The following KLHL14 variants were observed in gnomAD, a reference collection of about 807,000 sequenced individuals.
KLHL14 encodes kelch-like protein 14.
In KLHL14, 22 loss-of-function variants were observed where a neutral mutation model predicts 64.3. The ratio of observed to expected loss-of-function variants is 0.34; its 90% CI spans 0.24 to 0.49. KLHL14 has a LOEUF of 0.49. KLHL14 is among the 20% of genes least tolerant of loss of function. KLHL14 has a pLI of 0.99. For missense variants in KLHL14, 661 were observed against 789.0 expected (o/e 0.84, Z 1.94); for synonymous variants, 322 against 333.4 (o/e 0.97, Z 0.37).
chr18:32,709,004 T>A (rs935137025), intron 3 of KLHL14, among the ~76,000 whole-genome samples: 8 of 152,202 alleles, frequency 5.3e-5, no homozygotes, highest in Non-Finnish European at 5.9e-5. Flanking sequence ...TTGTCCCCTT[T>A]TGGCTTATTT....
intron 3 of KLHL14, among the ~76,000 whole-genome samples, chr18:32,724,446 A>T (rs2050096096): frequency 6.6e-6 from 1 of 152,172 alleles, no homozygotes; most frequent in Non-Finnish European, 1.5e-5. Flanking sequence ...CTTTACTCTT[A>T]TCTTTAAAAT....
chr18:32,724,595 C>T (rs2050097501), intron 3 of KLHL14, among the ~76,000 whole-genome samples: 2 of 152,148 alleles, frequency 1.3e-5, no homozygotes, highest in South Asian at 2.1e-4. Flanking sequence ...GATAGTAATG[C>T]TATTGACCTC....
intron 2 of KLHL14, among the ~76,000 whole-genome samples, chr18:32,747,516 G>A (rs1007082639): frequency 2.0e-5 from 3 of 152,100 alleles, no homozygotes; most frequent in African/African-American, 4.8e-5. Flanking sequence ...TGCAATTCAC[G>A]TAGGGTTTGC....
chr18:32,761,464 T>C (rs980372421), intron 2 of KLHL14, among the ~76,000 whole-genome samples: 2 of 148,448 alleles, frequency 1.3e-5, no homozygotes, highest in Non-Finnish European at 3.0e-5. Flanking sequence ...TTGCAGGTGG[T>C]CTTCTCTCAG....
At position 32,683,301 on chromosome 18, in the gene KLHL14, A is replaced by G. The variant is rs2049852412; in HGVS notation, c.1239-2702T>C. On this transcript the variant is annotated intron_variant, in intron 5 of 8. Transcript: ENST00000359358. The surrounding 1 kb of genome is among the most constrained non-coding windows in gnomAD (Gnocchi z 4.2). Reference sequence around the variant, plus strand: ...AAAAATCAGCAGATTTCACTTCCTGATGACAAGTGCATTTTTAGGTAGAAA... The same window carrying G: ...AAAAATCAGCAGATTTCACTTCCTGGTGACAAGTGCATTTTTAGGTAGAAA... Among the ~76,000 whole-genome samples, 1 of 152,122 alleles carries G rather than the reference A, an allele frequency of 6.6e-6. No individual in the cohort carries two copies. Among genetic ancestry groups the G allele is most frequent in the Non-Finnish European group, 1.5e-5 (1 of 68,024 alleles).
In KLHL14 at chr18:32,687,208, G is replaced by A; in HGVS notation, c.1185C>T (p.Ser395=). Residue 395 remains serine, a synonymous_variant, in exon 5 of 9, where the codon AGC becomes AGT. Transcript: ENST00000359358. ...AGCTATTAAATCGAGGATCATATCG[G>A]CTGACAAAATTTGTACTGTGTTTTC... ...PNGKHSTNFV[S]RYDPRFNSWI... 6.2e-7 allele frequency: 1 copy of A among 1,613,766 alleles called. No individual in the cohort carries two copies. Among genetic ancestry groups the A allele is most frequent in the East Asian group, 2.2e-5 (1 of 44,866 alleles).
chr18:32,738,089 G>A (rs970708763), intron 3 of KLHL14: 1 of 151,988 alleles, frequency 6.6e-6, no homozygotes, highest in Non-Finnish European at 1.5e-5. Flanking sequence ...GCCAGCTCCT[G>A]GAAAATACCT....
In KLHL14 at chr18:32,759,944, C is replaced by T. The variant is rs539958397; in HGVS notation, c.947+9701G>A. On this transcript the variant is annotated intron_variant, in intron 2 of 8. Coordinates refer to ENST00000359358, the MANE Select transcript of KLHL14 (RefSeq NM_020805.3). ...ATATGAAATAGAAAGTGGTGAGGGC[C>T]TAGTGTACACCTGATAGCATTAAAG... is the stretch of plus-strand genomic sequence containing the variant. Among the ~76,000 whole-genome samples, 48 of 152,230 alleles carry T rather than the reference C, an allele frequency of 3.2e-4. 2 individuals are homozygous for T. The South Asian group carries it at 9.9e-3, about 32-fold the overall frequency.
At chr18:32,696,870 G>T (rs1221027639) in intron 3 of KLHL14, among the ~76,000 whole-genome samples, 1 of 152,188 alleles carries the variant, frequency 6.6e-6, no homozygotes, top group East Asian at 1.9e-4. Context: ...GCCTCTGAAA[G>T]AGCAAATCAG....
At chr18:32,720,520 C>G (rs897366853) in intron 3 of KLHL14, among the ~76,000 whole-genome samples, 1 of 152,074 alleles carries the variant, frequency 6.6e-6, no homozygotes, top group Admixed American at 6.5e-5. Context: ...TATTTGCAGT[C>G]AGAAATACAG....
chr18:32,772,287 G>C (rs1028400602), intron 1 of KLHL14: 9 of 377,984 alleles, frequency 2.4e-5, no homozygotes, highest in East Asian at 2.2e-4. Flanking sequence ...TCCCGTTCCA[G>C]GTGGACCCTA....
chr18:32,739,868 G>A (rs946516476), intron 3 of KLHL14, among the ~76,000 whole-genome samples: 8 of 152,136 alleles, frequency 5.3e-5, no homozygotes, highest in African/African-American at 1.9e-4. Flanking sequence ...TGCATTGATT[G>A]ACTGATGCCT....
At chr18:32,684,433 A>C (rs1366990853) in intron 5 of KLHL14, among the ~76,000 whole-genome samples, 1 of 151,890 alleles carries the variant, frequency 6.6e-6, no homozygotes, top group Non-Finnish European at 1.5e-5. Flanking sequence ...GAGTGGGAAA[A>C]GGCAAATCTT....
rs61493236 is a variant in KLHL14 at position 32,757,176 on chromosome 18, T to A, written c.947+12469A>T. ...TAAACATTAAGCCCAAGAAACAATT[T>A]GTTGGCCAATCTTCCATATCCACAC... On this transcript the variant is annotated intron_variant, in intron 2 of 8. Transcript: ENST00000359358. Among the ~76,000 whole-genome samples the A allele has an allele frequency of 2.0e-5, 3 of 152,330 alleles. No homozygotes were observed. The East Asian group carries it at 5.8e-4, about 29-fold the overall frequency.
intron 3 of KLHL14, among the ~76,000 whole-genome samples, chr18:32,711,914 A>C (rs2050021319): frequency 2.0e-5 from 3 of 152,220 alleles, no homozygotes; most frequent in South Asian, 4.1e-4. Context: ...TGACTAGATA[A>C]ATTTACATCG....
chr18:32,742,302 C>T (rs890177836), intron 2 of KLHL14, among the ~76,000 whole-genome samples: 9 of 104,320 alleles, frequency 8.6e-5, no homozygotes, highest in Non-Finnish European at 1.8e-4. Flanking sequence ...CATTCTAGAA[C>T]GACCTTTTTC....
chr18:32,688,470 C>T (rs1001315557), intron 4 of KLHL14, among the ~76,000 whole-genome samples: 6 of 152,098 alleles, frequency 3.9e-5, no homozygotes, highest in African/African-American at 9.7e-5. Context: ...TAGCGATGAA[C>T]GCTATTAAAA....
At chr18:32,705,779 G>C (rs906661098) in intron 3 of KLHL14, among the ~76,000 whole-genome samples, 8 of 152,176 alleles carry the variant, frequency 5.3e-5, no homozygotes, top group Non-Finnish European at 1.2e-4. Flanking sequence ...TTTTAATTGA[G>C]GCCTGCGAAA....
intron 3 of KLHL14, among the ~76,000 whole-genome samples, chr18:32,719,232 G>A (rs571271385): frequency 6.6e-6 from 1 of 152,358 alleles, no homozygotes; most frequent in South Asian, 2.1e-4. Flanking sequence ...ATAGGCGTAA[G>A]CCACTGCGCC....
Sources: allele counts gnomAD v4.1 joint callset (sites outside exome capture counted in the v4.1 genomes callset), GRCh38; gene constraint gnomAD v4.1.1; non-coding constraint Gnocchi (gnomAD v3.1); transcripts MANE v1.5; gene names NCBI Gene and HGNC (gene_info 2026-07-23, HGNC 2026-07-21).